Variants in CKAP2 observed in about 807,000 individuals in gnomAD.
The protein encoded by CKAP2 is cytoskeleton-associated protein 2.
CKAP2 carries 46 observed loss-of-function variants against 58.4 expected under a neutral mutation model. That is an observed-to-expected ratio of 0.79 (90% CI 0.62 to 1.01). CKAP2 has a LOEUF of 1.01. CKAP2 is among the 50% of genes least tolerant of loss of function. CKAP2 has a pLI of 0.00. For missense variants in CKAP2, 809 were observed against 796.4 expected (o/e 1.02, Z -0.19); for synonymous variants, 293 against 280.9 (o/e 1.04, Z -0.43).
Position 52,461,458 on chromosome 13 carries a change from TA to T in CKAP2, c.633del (p.Pro212LeufsTer9). On this transcript the variant is annotated frameshift_variant, in exon 4 of 9. Coordinates refer to ENST00000258607, the MANE Select transcript of CKAP2 (RefSeq NM_018204.5). LOFTEE classifies it high-confidence loss of function. ...SAATKKLSAT[I>X]PKATKPQPVN... is the part of the protein sequence containing the mutation. Reference sequence around the variant, plus strand: ...GCAACAAAGAAACTTTCAGCCACTATACCTAAAGCCACAAAACCTCAGCCTG... The same window carrying T: ...GCAACAAAGAAACTTTCAGCCACTATCCTAAAGCCACAAAACCTCAGCCTG... 1 of 1,614,188 alleles carries T rather than the reference TA, an allele frequency of 6.2e-7. No homozygotes were observed. Among genetic ancestry groups the T allele is most frequent in the Non-Finnish European group, 8.5e-7 (1 of 1,180,034 alleles).
At chr13:52,474,699 T>C (rs1402392131) in intron 8 of CKAP2, among the ~76,000 whole-genome samples, 196 bp from the exon 9 acceptor site, 1 of 152,228 alleles carries the variant, frequency 6.6e-6, no homozygotes, top group East Asian at 1.9e-4. Flanking sequence ...GTATCTACTG[T>C]ATACAAGTTG....
At chr13:52,472,621 A>G (rs1958775265) in intron 7 of CKAP2, among the ~76,000 whole-genome samples, 1 of 152,018 alleles carries the variant, frequency 6.6e-6, no homozygotes, top group African/African-American at 2.4e-5. Flanking sequence ...CCCATACCCA[A>G]CATCCCTTTC....
At chr13:52,470,027 A>C (rs1473993357) in intron 7 of CKAP2, among the ~76,000 whole-genome samples, 1 of 152,136 alleles carries the variant, frequency 6.6e-6, no homozygotes, top group Non-Finnish European at 1.5e-5. Flanking sequence ...CAAATATTTG[A>C]GTGCATATTA....
At chr13:52,455,684 C>G (rs2137826918) in intron 1 of CKAP2, 58 bp downstream of exon 1, 1 of 1,410,670 alleles carries the variant, frequency 7.1e-7, no homozygotes, top group South Asian at 1.5e-5. Flanking sequence ...GGGCGCGGGC[C>G]CGGCGGTCGG....
In CKAP2 at chr13:52,461,930, A is replaced by C; in HGVS notation, c.1100+4A>C. The C allele has an allele frequency of 6.4e-7, 1 of 1,574,600 alleles. No individual in the cohort carries two copies. The highest frequency in any genetic ancestry group is 8.6e-7 in the Non-Finnish European group (1 of 1,165,986). On this transcript the variant is annotated splice_donor_region_variant and intron_variant, in intron 4 of 8. Coordinates refer to ENST00000258607, the MANE Select transcript of CKAP2 (RefSeq NM_018204.5). Reference sequence around the variant, plus strand: ...AAGAAACCTCGGAAGAGAGAAAGTAAGTAGATATAATTTTCTTTATTACAT... The same window carrying C: ...AAGAAACCTCGGAAGAGAGAAAGTACGTAGATATAATTTTCTTTATTACAT...
In CKAP2 at chr13:52,466,364, A is replaced by G. The variant is rs569478771; in HGVS notation, c.1476+899A>G. On this transcript the variant is annotated intron_variant, in intron 6 of 8. Transcript: ENST00000258607. ...TAAAACTCCCTTTTAAGAAAGATCTATTCACCTTTGTCTCAACAAAATCAA... is the reference window on the plus strand; with the variant it reads ...TAAAACTCCCTTTTAAGAAAGATCTGTTCACCTTTGTCTCAACAAAATCAA... Among the ~76,000 whole-genome samples the G allele has an allele frequency of 8.7e-4, 132 of 152,344 alleles. 6 individuals carry two copies. In the South Asian group the frequency reaches 0.025, roughly 29 times the overall value.
intron 6 of CKAP2, chr13:52,465,981 A>G (rs780293247): frequency 3.9e-6 from 1 of 253,388 alleles, no homozygotes; most frequent in Non-Finnish European, 7.8e-6. Context: ...ACATATATGC[A>G]CACATATATG....
At chr13:52,474,684 C>G (rs1019872697) in intron 8 of CKAP2, among the ~76,000 whole-genome samples, 1 of 152,154 alleles carries the variant, frequency 6.6e-6, no homozygotes, top group Non-Finnish European at 1.5e-5. Context: ...TCTACAGATA[C>G]TCAGGTATCT....
At chr13:52,456,502 G>A (rs1217119208) in intron 1 of CKAP2, 21 bp from the exon 2 acceptor site, 1 of 1,556,094 alleles carries the variant, frequency 6.4e-7, no homozygotes, top group Admixed American at 1.8e-5. Context: ...TTGACTTGTA[G>A]CTCTTACCTT....
chr13:52,462,605 C>T, intron 5 of CKAP2, 38 bp downstream of exon 5: 1 of 1,494,656 alleles, frequency 6.7e-7, no homozygotes, highest in Non-Finnish European at 9.2e-7. Flanking sequence ...TTATAGTTTG[C>T]AAATTACCTT....
At chr13:52,469,917 A>G (rs1170867354) in intron 7 of CKAP2, among the ~76,000 whole-genome samples, 3 of 152,088 alleles carry the variant, frequency 2.0e-5, no homozygotes, top group Non-Finnish European at 4.4e-5. Context: ...ATCATAGTCT[A>G]TGACACATAG....
chr13:52,476,270 T>G lies in CKAP2; in HGVS notation c.*1129T>G, dbSNP rs924474909. 1 of 152,216 alleles carries G rather than the reference T, an allele frequency of 6.6e-6. No homozygotes were observed. Among genetic ancestry groups the G allele is most frequent in the African/African-American group, 2.4e-5 (1 of 41,466 alleles). The allele number at this position is 152,216 out of a possible 1,614,324, so 9.4% of individuals were successfully genotyped here. ...TTCCACTTTGTATATCTTTTCTATT[T>G]ATTGACTTCTCATGTTCTAGAGAGT... is the stretch of plus-strand genomic sequence containing the variant. On this transcript the variant is annotated 3_prime_UTR_variant, in exon 9 of 9. Transcript: ENST00000258607.
In CKAP2 at chr13:52,475,374, G is replaced by T; in HGVS notation, c.*233G>T. The T allele has an allele frequency of 2.1e-6, 1 of 471,182 alleles. No individual in the cohort carries two copies. Among genetic ancestry groups the T allele is most frequent in the Non-Finnish European group, 3.7e-6 (1 of 271,582 alleles). 29.2% of individuals were successfully genotyped at this position (471,182 alleles called of 1,614,324 possible). A position where few individuals can be genotyped will look rare whatever the true frequency, so the allele number is the denominator to read the frequency against. ...CCAACTGAGTTTTTTCTTTAAGAAAGGTAAATTTTGTCAGCTAGTTTACTA... is the reference window on the plus strand; with the variant it reads ...CCAACTGAGTTTTTTCTTTAAGAAATGTAAATTTTGTCAGCTAGTTTACTA... On this transcript the variant is annotated 3_prime_UTR_variant, in exon 9 of 9. Coordinates refer to ENST00000258607, the MANE Select transcript of CKAP2 (RefSeq NM_018204.5).
At position 52,468,290 on chromosome 13, in the gene CKAP2, A is replaced by G. The variant is rs761350973; in HGVS notation, c.1489A>G (p.Met497Val). 1 of 1,597,246 alleles carries G rather than the reference A, an allele frequency of 6.3e-7. No individual in the cohort carries two copies. The highest frequency in any genetic ancestry group is 8.5e-7 in the Non-Finnish European group (1 of 1,171,546). The part of the protein sequence containing the change: ...ILAGAQPIEE[M>V]RHTIVDILTM... ...TAAAAAAATTAAGCCTATTGAAGAG[A>G]TGCGACACACGATTGTAGATATTCT... The change falls in exon 7 of 9, where the codon ATG (methionine) becomes GTG (valine). Residue 497 changes from methionine (M) to valine (V), a missense_variant. Physicochemically the swap from Met to Val is conservative, Grantham distance 21 (BLOSUM62 1). Coordinates refer to ENST00000258607, the MANE Select transcript of CKAP2 (RefSeq NM_018204.5).
At chr13:52,462,008 C>T in intron 4 of CKAP2, 82 bp downstream of exon 4, 1 of 1,276,938 alleles carries the variant, frequency 7.8e-7, no homozygotes, top group Non-Finnish European at 1.1e-6. Flanking sequence ...TCCTTGACTG[C>T]ATTAGAATTT....
In CKAP2 at chr13:52,465,964, T is replaced by A; in HGVS notation, c.1476+499T>A. 1.1e-5 allele frequency: 3 copies of A among 276,438 alleles called. No homozygotes were observed. In the South Asian group the frequency reaches 1.1e-4, roughly 10 times the overall value. The allele number at this position is 276,438 out of a possible 1,614,324, so 17.1% of individuals were successfully genotyped here. A position where few individuals can be genotyped will look rare whatever the true frequency, so the allele number is the denominator to read the frequency against. The stretch of plus-strand genomic sequence containing the variant: ...ATATACACATATATATGCACACATA[T>A]ATACACACATATATGCACACATATA... On this transcript the variant is annotated intron_variant, in intron 6 of 8. Coordinates refer to ENST00000258607, the MANE Select transcript of CKAP2 (RefSeq NM_018204.5).
rs1340843786 is a variant in CKAP2, at chr13:52,465,563, T to G, written c.1476+98T>G. 4.6e-6 allele frequency: 5 copies of G among 1,079,600 alleles called. No individual in the cohort carries two copies. In the African/African-American group the frequency reaches 4.8e-5, roughly 10 times the overall value. The allele number at this position is 1,079,600 out of a possible 1,614,324, so 66.9% of individuals were successfully genotyped here. On this transcript the variant is annotated intron_variant, in intron 6 of 8. Coordinates refer to ENST00000258607, the MANE Select transcript of CKAP2 (RefSeq NM_018204.5). ...CAACATAACTTGAGAAAATTTTCTT[T>G]GTATATGTAGTGGTAATAAATGTTT...
At chr13:52,456,679 G>A in intron 2 of CKAP2, 72 bp downstream of exon 2, 1 of 1,162,586 alleles carries the variant, frequency 8.6e-7, no homozygotes, top group Non-Finnish European at 1.2e-6. Context: ...TGTAAAGTAA[G>A]CCATATCTGT....
rs1189007536 is a variant in CKAP2 at position 52,455,515 on chromosome 13, T to C, written c.-42T>C. ...GGCGGTGGTCTGAGGAAGTTCTATCTTGGCGCTAAAGCGGAGACGCATCCC... is the reference window on the plus strand; with the variant it reads ...GGCGGTGGTCTGAGGAAGTTCTATCCTGGCGCTAAAGCGGAGACGCATCCC... On this transcript the variant is annotated 5_prime_UTR_variant, in exon 1 of 9. Transcript: ENST00000258607. 5 of 1,611,408 alleles carry C rather than the reference T, an allele frequency of 3.1e-6. No homozygotes were observed. Among genetic ancestry groups the C allele is most frequent in the African/African-American group, 1.3e-5 (1 of 74,860 alleles).
Sources: gnomAD v4.1 joint callset for allele counts (sites outside exome capture counted in the v4.1 genomes callset) on GRCh38, gnomAD v4.1.1 for gene constraint, MANE v1.5 for transcripts, NCBI Gene and HGNC (gene_info 2026-07-23, HGNC 2026-07-21) for gene names.